MYOM1: variants seen among roughly 807,000 people sequenced by gnomAD.
MYOM1 encodes myomesin 1.
In MYOM1, 164 loss-of-function variants were observed where a neutral mutation model predicts 205.3. That is an observed-to-expected ratio of 0.80 (90% CI 0.70 to 0.91). The LOEUF (loss-of-function observed/expected upper bound fraction) is 0.91, where lower values mean the gene tolerates loss of function less well. Ranked by LOEUF, MYOM1 falls within the 40% of genes least tolerant of loss-of-function variation. The pLI is 0.00. For missense variants in MYOM1, 2,011 were observed against 2,127.3 expected, an observed-to-expected ratio of 0.95 and a Z score of 1.08; for synonymous variants, 772 against 789.4, an observed-to-expected ratio of 0.98 and a Z score of 0.37.
chr18:3,208,086 CTGT>C (rs947639297), intron 2 of MYOM1, among the ~76,000 whole-genome samples: 5 of 152,280 alleles, frequency 3.3e-5, no homozygotes, highest in Middle Eastern at 6.8e-3. Flanking sequence ...TTATGTGAAC[CTGT>C]TGTTACCAGG....
At chr18:3,147,060 T>A (rs918046900) in intron 13 of MYOM1, among the ~76,000 whole-genome samples, 2 of 146,194 alleles carry the variant, frequency 1.4e-5, no homozygotes, top group Non-Finnish European at 3.0e-5. Context: ...ATATTATATA[T>A]AAATATATAT....
intron 34 of MYOM1, among the ~76,000 whole-genome samples, chr18:3,078,536 C>A (rs946857820): frequency 6.6e-6 from 1 of 152,036 alleles, no homozygotes; most frequent in Non-Finnish European, 1.5e-5. Flanking sequence ...CCCAAGTGAT[C>A]ATCCTAGCTC....
At chr18:3,157,422 G>A (rs1161965980) in intron 10 of MYOM1, among the ~76,000 whole-genome samples, 2 of 151,994 alleles carry the variant, frequency 1.3e-5, no homozygotes, top group Non-Finnish European at 2.9e-5. Context: ...TGGGTGCAGT[G>A]GGTCACGCCT....
At chr18:3,096,812 A>T (rs2079311764) in intron 25 of MYOM1, among the ~76,000 whole-genome samples, 2 of 152,098 alleles carry the variant, frequency 1.3e-5, no homozygotes, top group African/African-American at 2.4e-5. Flanking sequence ...CCACCCCCTC[A>T]AAATACCTTG....
Position 3,072,350 on chromosome 18 carries a change from C to CTTTTTTTTTTTT in MYOM1, c.4709-473_4709-462dup, listed in dbSNP as rs78331937. On this transcript the variant is annotated intron_variant, in intron 36 of 37. Coordinates refer to ENST00000356443, the MANE Select transcript of MYOM1 (RefSeq NM_003803.4). The stretch of plus-strand genomic sequence containing the variant: ...AGCAGGCGTGAGCCACCGCACCCGG[C>CTTTTTTTTTTTT]TTTTTTTTTTTTTTTTTTTTTGAGG... Among the ~76,000 whole-genome samples, 351 of 56,210 alleles carry CTTTTTTTTTTTT rather than the reference C, an allele frequency of 6.2e-3. 78 individuals are homozygous for CTTTTTTTTTTTT. The highest frequency in any genetic ancestry group is 0.024 in the East Asian group (45 of 1,866). 36.9% of individuals were successfully genotyped at this position (56,210 alleles called of 152,430 possible).
At chr18:3,203,324 A>G (rs1482489459) in intron 2 of MYOM1, among the ~76,000 whole-genome samples, 4 of 151,452 alleles carry the variant, frequency 2.6e-5, no homozygotes, top group Non-Finnish European at 5.9e-5. Context: ...ACAGAAAAAC[A>G]ATAAAATTAA....
At chr18:3,182,913 CTTTTTTTTTTTTTTTTT>C (rs549386891) in intron 5 of MYOM1, among the ~76,000 whole-genome samples, 10 of 92,264 alleles carry the variant, frequency 1.1e-4, no homozygotes, top group African/African-American at 3.3e-4. Context: ...TTTCTTTCTT[CTTTTTTTTTTTTTTTTT>C]TTTTTTTTTT....
At chr18:3,134,878 T>C in intron 15 of MYOM1, 54 bp from the exon 16 acceptor site, 2 of 1,563,974 alleles carry the variant, frequency 1.3e-6, no homozygotes, top group Non-Finnish European at 1.8e-6. Flanking sequence ...AATTCATCCT[T>C]ATCATCTATG....
chr18:3,204,080 A>C (rs1431578423), intron 2 of MYOM1, among the ~76,000 whole-genome samples: 1 of 151,990 alleles, frequency 6.6e-6, no homozygotes, highest in Non-Finnish European at 1.5e-5. Flanking sequence ...CTCTCAATAG[A>C]ATAGAAACAG....
At chr18:3,213,186 C>T (rs760476156) in intron 2 of MYOM1, among the ~76,000 whole-genome samples, 2 of 152,162 alleles carry the variant, frequency 1.3e-5, no homozygotes, top group Non-Finnish European at 2.9e-5. Flanking sequence ...CTAGTTAAAC[C>T]GACCACTCTA....
At chr18:3,237,992 C>CG in the MYOM1 span, among the ~76,000 whole-genome samples, 3 of 151,888 alleles carry the variant, frequency 2.0e-5, no homozygotes, top group Non-Finnish European at 4.4e-5. Context: ...GGGTGGCGGT[C>CG]GGGGGGCAAT....
At chr18:3,163,436 T>C (rs1474095253) in intron 10 of MYOM1, among the ~76,000 whole-genome samples, 1 of 151,708 alleles carries the variant, frequency 6.6e-6, no homozygotes, top group African/African-American at 2.4e-5. Context: ...GCTCACCTTT[T>C]ACACTAGGTC....
chr18:3,164,663 G>C (rs1214331769), intron 9 of MYOM1, among the ~76,000 whole-genome samples: 7 of 152,140 alleles, frequency 4.6e-5, no homozygotes, highest in African/African-American at 1.7e-4. Context: ...GGGGCCTCGT[G>C]TAAAATTACA....
chr18:3,153,460 C>T (rs1216055079), intron 11 of MYOM1, among the ~76,000 whole-genome samples: 1 of 152,090 alleles, frequency 6.6e-6, no homozygotes. Flanking sequence ...TAAATAATAG[C>T]CACAAGGTGG....
intron 2 of MYOM1, among the ~76,000 whole-genome samples, chr18:3,198,361 T>A (rs890693166): frequency 2.6e-5 from 4 of 152,200 alleles, no homozygotes; most frequent in Non-Finnish European, 5.9e-5. Context: ...TTAGGCTGCA[T>A]TATTGGTTTC....
chr18:3,122,800 T>C (rs554213736), intron 19 of MYOM1, among the ~76,000 whole-genome samples: 2 of 152,274 alleles, frequency 1.3e-5, no homozygotes, highest in African/African-American at 4.8e-5. Flanking sequence ...ATCTTCTCAA[T>C]AGACCCCAAA....
Position 3,090,221 on chromosome 18 carries a change from T to C in MYOM1, c.4009+437A>G, listed in dbSNP as rs868256327. 1.6e-3 allele frequency among the ~76,000 whole-genome samples: 238 copies of C among 149,074 alleles called. 2 individuals carry two copies. The highest frequency in any genetic ancestry group is 5.6e-3 in the African/African-American group (230 of 40,756). Reference sequence around the variant, plus strand: ...AAAGTATTAACTGAAAACTGTATTTTTTTTTTTTTTTTTTTTGAGACAGGG... The same window carrying C: ...AAAGTATTAACTGAAAACTGTATTTCTTTTTTTTTTTTTTTTGAGACAGGG... On this transcript the variant is annotated intron_variant, in intron 27 of 37. Transcript: ENST00000356443.
chr18:3,192,596 C>A (rs894826689), intron 3 of MYOM1, among the ~76,000 whole-genome samples: 11 of 152,142 alleles, frequency 7.2e-5, no homozygotes, highest in African/African-American at 2.7e-4. Context: ...TAGAGGATGG[C>A]CTCACTTTGA....
chr18:3,124,186 A>G (rs1382083181), intron 19 of MYOM1, among the ~76,000 whole-genome samples: 1 of 151,396 alleles, frequency 6.6e-6, no homozygotes, highest in African/African-American at 2.4e-5. Flanking sequence ...ACTGTTACAC[A>G]AACAGACCAG....
Sources: allele counts gnomAD v4.1 joint callset (sites outside exome capture counted in the v4.1 genomes callset), GRCh38; gene constraint gnomAD v4.1.1; transcripts MANE v1.5; gene names NCBI Gene and HGNC (gene_info 2026-07-23, HGNC 2026-07-21).